The following ANO2 variants were observed in gnomAD, a reference collection of about 807,000 sequenced individuals.
ANO2 encodes the protein anoctamin 2, also known as anoctamin-2.
Under a neutral mutation model 124.2 loss-of-function variants are expected in ANO2, and 101 were observed. The ratio of observed to expected loss-of-function variants is 0.81; its 90% CI spans 0.69 to 0.96. The LOEUF (loss-of-function observed/expected upper bound fraction) is 0.96. Among genes scored for constraint, ANO2 ranks in the 40% least tolerant of loss-of-function variants. The pLI is 0.00. For synonymous variants in ANO2, 486 were observed against 482.5 expected, an observed-to-expected ratio of 1.01 and a Z score of -0.09; for missense variants, 1,293 against 1,274.5, an observed-to-expected ratio of 1.01 and a Z score of -0.22.
Position 5,635,817 on chromosome 12 carries a change from G to A in ANO2, c.1621-470C>T, listed in dbSNP as rs1339942794. Among the ~76,000 whole-genome samples the A allele has an allele frequency of 4.6e-5, 7 of 152,130 alleles. No individual in the cohort carries two copies. The highest frequency in any genetic ancestry group is 9.7e-5 in the African/African-American group (4 of 41,436). On this transcript the variant is annotated intron_variant, in intron 15 of 24. Transcript: ENST00000682330. The surrounding 1 kb of genome is among the most constrained non-coding windows in gnomAD (Gnocchi z 5.2). ...ATTGCTGAAGGAACTCCAAGTACAC[G>A]GGAGAAAGTAAATTTGAGTGGTCAG...
chr12:5,602,249 AG>A (rs1943976551), intron 19 of ANO2, among the ~76,000 whole-genome samples: 2 of 141,560 alleles, frequency 1.4e-5, no homozygotes, highest in South Asian at 5.0e-4. Flanking sequence ...TAATTGATCT[AG>A]GAACTCTTTT....
At chr12:5,685,959 A>C (rs1477004388) in intron 14 of ANO2, among the ~76,000 whole-genome samples, 1 of 152,060 alleles carries the variant, frequency 6.6e-6, no homozygotes, top group Admixed American at 6.6e-5. Flanking sequence ...CTGGAGCAGC[A>C]CTCCCCTCAA....
At chr12:5,757,328 G>C (rs1056913674) in intron 10 of ANO2, among the ~76,000 whole-genome samples, 1 of 152,070 alleles carries the variant, frequency 6.6e-6, no homozygotes, top group African/African-American at 2.4e-5. Context: ...CTTGTAAAAA[G>C]AAAATTTACC....
intron 20 of ANO2, among the ~76,000 whole-genome samples, chr12:5,588,814 C>T (rs1249460126): frequency 1.3e-5 from 2 of 152,154 alleles, no homozygotes; most frequent in African/African-American, 4.8e-5. Context: ...TGGGTTGCAT[C>T]ACTGCAGGGA....
rs113862686 is a variant in ANO2 at position 5,814,614 on chromosome 12, G to A, written c.893-7246C>T. 7.7e-3 allele frequency among the ~76,000 whole-genome samples: 1,164 copies of A among 152,116 alleles called. 9 individuals carry two copies. Among genetic ancestry groups the A allele is most frequent in the Non-Finnish European group, 0.011 (756 of 68,006 alleles). ...CTTCTTGGTTTATTTTCTGTCTTCCGTAACTAGAAAGTAAGCCCCTTAAGG... is the reference window on the plus strand; with the variant it reads ...CTTCTTGGTTTATTTTCTGTCTTCCATAACTAGAAAGTAAGCCCCTTAAGG... On this transcript the variant is annotated intron_variant, in intron 7 of 24. Transcript: ENST00000682330.
At chr12:5,640,259 G>A (rs1294669491) in intron 15 of ANO2, among the ~76,000 whole-genome samples, 5 of 152,186 alleles carry the variant, frequency 3.3e-5, no homozygotes, top group Non-Finnish European at 5.9e-5. Flanking sequence ...CTAGGTTCAA[G>A]CACAGGGGTG....
chr12:5,931,278 C>G (rs1259985010), intron 1 of ANO2, among the ~76,000 whole-genome samples: 2 of 152,088 alleles, frequency 1.3e-5, no homozygotes, highest in Non-Finnish European at 2.9e-5. Flanking sequence ...ATTACCCACA[C>G]CATCATGCCA....
chr12:5,792,987 G>A lies in ANO2; in HGVS notation c.1055+6520C>T, dbSNP rs191474727. The stretch of plus-strand genomic sequence containing the variant: ...AGTGAGTCCCAAGAAGGACAATCAC[G>A]ATGATAAGGCTGTGTGGGGAACACA... On this transcript the variant is annotated intron_variant, in intron 10 of 24. Transcript: ENST00000682330. 1.5e-3 allele frequency among the ~76,000 whole-genome samples: 228 copies of A among 152,322 alleles called. 1 individual carries two copies. Among genetic ancestry groups the A allele is most frequent in the African/African-American group, 5.0e-3 (208 of 41,590 alleles).
intron 14 of ANO2, among the ~76,000 whole-genome samples, chr12:5,728,261 G>A (rs1358238641): frequency 3.3e-5 from 5 of 151,958 alleles, no homozygotes; most frequent in Non-Finnish European, 7.4e-5. Context: ...AAATCCTAAG[G>A]AATCCATTAA....
At position 5,759,587 on chromosome 12, in the gene ANO2, A is replaced by C. The variant is rs376843157; in HGVS notation, c.1056-8617T>G. 1.2e-4 allele frequency among the ~76,000 whole-genome samples: 18 copies of C among 148,910 alleles called. 1 individual carries two copies. The South Asian group carries it at 2.2e-3, about 18-fold the overall frequency. ...AGATTCTCAAAGGAGCATGAACCCTATTGTGAACTGCGCATGGGAGGGATC... is the reference window on the plus strand; with the variant it reads ...AGATTCTCAAAGGAGCATGAACCCTCTTGTGAACTGCGCATGGGAGGGATC... On this transcript the variant is annotated intron_variant, in intron 10 of 24. Coordinates refer to ENST00000682330, the MANE Select transcript of ANO2 (RefSeq NM_001364791.2).
chr12:5,737,768 T>C (rs894230318), intron 13 of ANO2, among the ~76,000 whole-genome samples: 2 of 152,152 alleles, frequency 1.3e-5, no homozygotes, highest in African/African-American at 4.8e-5. Context: ...ATCACCCACA[T>C]TCAAACTTCT....
intron 3 of ANO2, among the ~76,000 whole-genome samples, chr12:5,914,344 C>T (rs1209401810): frequency 6.6e-6 from 1 of 152,184 alleles, no homozygotes; most frequent in Non-Finnish European, 1.5e-5. Flanking sequence ...GGTTGAGATG[C>T]CAGACATCCA....
At chr12:5,765,550 G>C (rs554993698) in intron 10 of ANO2, among the ~76,000 whole-genome samples, 1 of 152,174 alleles carries the variant, frequency 6.6e-6, no homozygotes, top group African/African-American at 2.4e-5. Context: ...GAAAACCTGG[G>C]CATGAATCTT....
At chr12:5,618,046 T>C (rs1215355430) in intron 16 of ANO2, among the ~76,000 whole-genome samples, 1 of 152,162 alleles carries the variant, frequency 6.6e-6, no homozygotes. Flanking sequence ...AAACCTAAGA[T>C]AAATGTGCTC....
intron 16 of ANO2, among the ~76,000 whole-genome samples, chr12:5,632,375 A>AT (rs768901223): frequency 1.8e-4 from 28 of 152,114 alleles, no homozygotes; most frequent in Non-Finnish European, 3.2e-4. Flanking sequence ...AAGTGAGCGT[A>AT]TAACACTGCC....
chr12:5,851,634 G>A (rs925592053), intron 4 of ANO2, among the ~76,000 whole-genome samples: 5 of 147,468 alleles, frequency 3.4e-5, no homozygotes, highest in South Asian at 2.2e-4. Context: ...GCAGTGAGCC[G>A]AGATCACACC....
chr12:5,576,386 A>G (rs531850649), intron 22 of ANO2, among the ~76,000 whole-genome samples: 6 of 152,352 alleles, frequency 3.9e-5, no homozygotes, highest in Admixed American at 2.0e-4. Context: ...TGATGAGGGT[A>G]CTACGTAAGT....
At chr12:5,698,260 C>T (rs558432834) in intron 14 of ANO2, among the ~76,000 whole-genome samples, 131 of 152,298 alleles carry the variant, frequency 8.6e-4, no homozygotes, top group Non-Finnish European at 1.4e-3. Context: ...TCCAGAGGAA[C>T]GATCAGGCAG....
intron 10 of ANO2, among the ~76,000 whole-genome samples, chr12:5,762,541 C>T (rs186342781): frequency 5.3e-4 from 81 of 151,866 alleles, no homozygotes; most frequent in Middle Eastern, 3.6e-3. Flanking sequence ...ATGGTATGAA[C>T]ATGTGGAGTT....
Sources: allele counts gnomAD v4.1 joint callset (sites outside exome capture counted in the v4.1 genomes callset), GRCh38; gene constraint gnomAD v4.1.1; non-coding constraint Gnocchi (gnomAD v3.1); transcripts MANE v1.5; gene names NCBI Gene and HGNC (gene_info 2026-07-23, HGNC 2026-07-21).